The following TRPA1 variants were observed in gnomAD, a reference collection of about 807,000 sequenced individuals.
TRPA1 encodes the protein ankyrin-like with transmembrane domains 1.
In TRPA1, 129 loss-of-function variants were observed where a neutral mutation model predicts 131.3. That is an observed-to-expected ratio of 0.98 (90% CI 0.85 to 1.14). The LOEUF (loss-of-function observed/expected upper bound fraction) is 1.14. TRPA1 is among the 50% of genes most tolerant of loss of function. The pLI is 0.00. For synonymous variants in TRPA1, 441 were observed against 451.7 expected (o/e 0.98, Z 0.30); for missense variants, 1,304 against 1,354.2 (o/e 0.96, Z 0.58).
At chr8:72,085,099 G>GAAAA in the TRPA1 span, among the ~76,000 whole-genome samples, 1 of 152,066 alleles carries the variant, frequency 6.6e-6, no homozygotes, top group Admixed American at 6.5e-5. Flanking sequence ...AATTTTCAAT[G>GAAAA]GCTAGGGACT....
upstream of TRPA1, among the ~76,000 whole-genome samples, chr8:72,076,988 G>A (rs1399874281): frequency 5.3e-5 from 8 of 152,098 alleles, no homozygotes; most frequent in African/African-American, 1.9e-4. Flanking sequence ...AAGAATCCCA[G>A]GGTTGGGTAA....
upstream of TRPA1, among the ~76,000 whole-genome samples, chr8:72,079,114 G>A (rs984286629): frequency 6.6e-6 from 1 of 151,782 alleles, no homozygotes; most frequent in South Asian, 2.1e-4. Context: ...CTATTAAATT[G>A]TAAGAGTTCT....
the TRPA1 span, among the ~76,000 whole-genome samples, chr8:72,084,482 T>A: frequency 6.9e-6 from 1 of 144,098 alleles, no homozygotes; most frequent in South Asian, 2.3e-4. Flanking sequence ...TCCTATTTTC[T>A]ATTTTTTTGT....
At position 72,069,218 on chromosome 8, in the gene TRPA1, T is replaced by G. The variant is rs1377193937; in HGVS notation, c.269-20A>C. The G allele has an allele frequency of 6.2e-7, 1 of 1,613,786 alleles. No homozygotes were observed. Among genetic ancestry groups the G allele is most frequent in the Non-Finnish European group, 8.5e-7 (1 of 1,179,862 alleles). ...GCAGCACTAGAAAAAGAAACCAGAA[T>G]ATGGATTAAATTTTGCTTAGACTGT... On this transcript the variant is annotated intron_variant, in intron 2 of 26. Transcript: ENST00000262209.
At chr8:72,051,401 C>G (rs1006619754) in intron 14 of TRPA1, among the ~76,000 whole-genome samples, 1 of 152,202 alleles carries the variant, frequency 6.6e-6, no homozygotes, top group Non-Finnish European at 1.5e-5. Context: ...CACCATCCAA[C>G]TGAACAGGGT....
intron 6 of TRPA1, among the ~76,000 whole-genome samples, chr8:72,062,549 G>C (rs1344560241): frequency 1.3e-5 from 2 of 152,024 alleles, no homozygotes; most frequent in Non-Finnish European, 2.9e-5. Context: ...TTCTTTAATG[G>C]CAACTGCACT....
intron 25 of TRPA1, among the ~76,000 whole-genome samples, chr8:72,024,125 A>G (rs1484383314): frequency 6.6e-6 from 1 of 152,238 alleles, no homozygotes; most frequent in Non-Finnish European, 1.5e-5. Flanking sequence ...AAACATGTAC[A>G]GATAAAACAG....
intron 4 of TRPA1, 54 bp from the exon 5 acceptor site, chr8:72,063,625 G>T: frequency 1.6e-6 from 2 of 1,214,642 alleles, no homozygotes; most frequent in Non-Finnish European, 2.4e-6. Context: ...AAATCGCAAG[G>T]GTGGATGAGA....
chr8:72,083,754 A>C, the TRPA1 span, among the ~76,000 whole-genome samples: 1 of 151,260 alleles, frequency 6.6e-6, no homozygotes, highest in African/African-American at 2.5e-5. Context: ...AAACAAAAAC[A>C]AAAAACGAAC....
chr8:72,066,791 G>A (rs548078466), intron 3 of TRPA1, among the ~76,000 whole-genome samples: 1 of 152,264 alleles, frequency 6.6e-6, no homozygotes, highest in South Asian at 2.1e-4. Context: ...GATCATAAAG[G>A]TATAGCTGTG....
At chr8:72,072,301 T>C (rs1461880388) in intron 1 of TRPA1, among the ~76,000 whole-genome samples, 1 of 152,168 alleles carries the variant, frequency 6.6e-6, no homozygotes, top group Non-Finnish European at 1.5e-5. Flanking sequence ...AAGCTATCAG[T>C]GAAAATGAAG....
Position 72,034,295 on chromosome 8 carries a change from G to A in TRPA1, c.2638C>T (p.Leu880Phe). 1 of 1,606,982 alleles carries A rather than the reference G, an allele frequency of 6.2e-7. No individual in the cohort carries two copies. Among genetic ancestry groups the A allele is most frequent in the Non-Finnish European group, 8.5e-7 (1 of 1,176,794 alleles). ...LLRSTVVFIFLLLAFGLSFYI... is the reference protein window; with the variant it reads ...LLRSTVVFIFFLLAFGLSFYI... ...AAGCTGAGTCCAAAAGCCAGAAGAA[G>A]GAAGATAAATACAACTGTAGACCTC... The change falls in exon 22 of 27, where the codon CTT (leucine) becomes TTT (phenylalanine). Residue 880 changes from leucine to phenylalanine, a missense_variant. Coordinates refer to ENST00000262209, the MANE Select transcript of TRPA1 (RefSeq NM_007332.3).
At chr8:72,029,993 T>C (rs560173319) in intron 23 of TRPA1, 24 bp from the exon 24 acceptor site, 3 of 1,604,606 alleles carry the variant, frequency 1.9e-6, no homozygotes, top group African/African-American at 1.3e-5. Flanking sequence ...CAAAATTAAA[T>C]CACTACAGTT....
At position 72,023,098 on chromosome 8, in the gene TRPA1, A is replaced by G. The variant is rs1405034654; in HGVS notation, c.3168T>C (p.Phe1056=). 6.2e-7 allele frequency: 1 copy of G among 1,613,302 alleles called. No individual in the cohort carries two copies. The highest frequency in any genetic ancestry group is 2.2e-5 in the East Asian group (1 of 44,874). The change falls in exon 27 of 27, where the codon TTT becomes TTC. Residue 1056 remains phenylalanine, a synonymous_variant. Coordinates refer to ENST00000262209, the MANE Select transcript of TRPA1 (RefSeq NM_007332.3). The stretch of plus-strand genomic sequence containing the variant: ...TGAGCTCATGCTGTTTTTCCAGGAG[A>G]AAAGTAAGATCCTTCAGCCTAAAAG... ...KQKYRLKDLT[F]LLEKQHELIK...
chr8:72,038,650 T>C, intron 19 of TRPA1: 1 of 508,162 alleles, frequency 2.0e-6, no homozygotes. Context: ...GTCAATTCTT[T>C]TTAAATTAGT....
chr8:72,052,708 G>A lies in TRPA1; in HGVS notation c.1702C>T (p.Leu568=). Residue 568 remains leucine (L), a synonymous_variant, in exon 14 of 27, where the codon CTG becomes TTG. Transcript: ENST00000262209. ...AGGACTATGTCAGCATTGTGGCTCA[G>A]AAGAAGCGCAACGGCTTTGGCGTGG... ...EGHAKAVALL[L]SHNADIVLNK... The A allele has an allele frequency of 6.2e-7, 1 of 1,613,892 alleles. No homozygotes were observed.
chr8:72,065,793 C>A (rs775328764), intron 3 of TRPA1, among the ~76,000 whole-genome samples: 1 of 152,056 alleles, frequency 6.6e-6, no homozygotes, highest in Non-Finnish European at 1.5e-5. Flanking sequence ...ATACTGAGTT[C>A]TGGAATTATA....
chr8:72,051,958 C>T (rs753690909), intron 14 of TRPA1, among the ~76,000 whole-genome samples: 2 of 152,124 alleles, frequency 1.3e-5, no homozygotes, highest in African/African-American at 2.4e-5. Flanking sequence ...CAAAAGAATT[C>T]ATTTATAAAT....
chr8:72,034,457 T>C, intron 21 of TRPA1, 80 bp from the exon 22 acceptor site: 1 of 944,824 alleles, frequency 1.1e-6, no homozygotes, highest in South Asian at 1.8e-5. Flanking sequence ...TATCATGTAT[T>C]AAACCAGGTA....
Sources: gnomAD v4.1 joint callset for allele counts (sites outside exome capture counted in the v4.1 genomes callset) on GRCh38, gnomAD v4.1.1 for gene constraint, MANE v1.5 for transcripts, NCBI Gene and HGNC (gene_info 2026-07-23, HGNC 2026-07-21) for gene names.